The following PPARA variants were observed in gnomAD, a reference collection of about 807,000 sequenced individuals.
The protein encoded by PPARA is peroxisome proliferator-activated receptor alpha.
PPARA carries 22 observed loss-of-function variants against 42.2 expected under a neutral mutation model. That is an observed-to-expected ratio of 0.52 (90% confidence interval 0.37 to 0.74). The LOEUF (loss-of-function observed/expected upper bound fraction) is 0.74, where lower values mean the gene tolerates loss of function less well. Among genes scored for constraint, PPARA ranks in the 30% least tolerant of loss-of-function variants. PPARA has a pLI of 0.00. For missense variants in PPARA, 465 were observed against 608.2 expected, an observed-to-expected ratio of 0.76 and a Z score of 2.48; for synonymous variants, 242 against 239.3, an observed-to-expected ratio of 1.01 and a Z score of -0.10.
intron 2 of PPARA, chr22:46,155,908 C>T (rs1925235623): frequency 6.6e-6 from 1 of 152,222 alleles, no homozygotes; most frequent in Admixed American, 6.5e-5. Flanking sequence ...AAAGGAGCAC[C>T]ATGCAGGCAT....
rs75241154 is a variant in PPARA, at chr22:46,178,221, A to G, written c.-43+1385A>G. ...ATATTTCTATCTGTCAGAAGGTGACATGAGTTTTAAACAATTAAGAAATAT... is the reference window on the plus strand; with the variant it reads ...ATATTTCTATCTGTCAGAAGGTGACGTGAGTTTTAAACAATTAAGAAATAT... On this transcript the variant is annotated intron_variant, in intron 3 of 8. Coordinates refer to ENST00000407236, the MANE Select transcript of PPARA (RefSeq NM_005036.6). Among the ~76,000 whole-genome samples, 4 of 152,368 alleles carry G rather than the reference A, an allele frequency of 2.6e-5. No individual in the cohort carries two copies. The South Asian group carries it at 8.3e-4, about 32-fold the overall frequency.
chr22:46,229,920 G>A (rs1935751759), intron 7 of PPARA, among the ~76,000 whole-genome samples: 1 of 152,232 alleles, frequency 6.6e-6, no homozygotes, highest in South Asian at 2.1e-4. Context: ...CCGGTGCCCT[G>A]AAGACAGTTT....
In PPARA at chr22:46,161,835, C is replaced by G. The variant is rs569998213; in HGVS notation, c.-127+9865C>G. Among the ~76,000 whole-genome samples the G allele has an allele frequency of 2.6e-5, 4 of 152,210 alleles. No homozygotes were observed. The highest frequency in any genetic ancestry group is 4.8e-5 in the African/African-American group (2 of 41,450). Reference sequence around the variant, plus strand: ...TTTCCGCGCTAGCGTTTGGTCCCTGCGCTTTTCTGGATGCCCCCACCCCCT... The same window carrying G: ...TTTCCGCGCTAGCGTTTGGTCCCTGGGCTTTTCTGGATGCCCCCACCCCCT... On this transcript the variant is annotated intron_variant, in intron 2 of 8. Transcript: ENST00000407236. This position sits in a 1 kb window ranked among gnomAD's most constrained non-coding sequence, Gnocchi z 4.8.
chr22:46,206,018 G>T (rs903385328), intron 4 of PPARA, among the ~76,000 whole-genome samples: 1 of 151,974 alleles, frequency 6.6e-6, no homozygotes, highest in Non-Finnish European at 1.5e-5. Context: ...CTCACAATTT[G>T]TTCTCTTTGG....
chr22:46,189,463 AG>A (rs1392604113), intron 3 of PPARA, among the ~76,000 whole-genome samples: 2 of 152,188 alleles, frequency 1.3e-5, no homozygotes, highest in Non-Finnish European at 2.9e-5. Context: ...CAAAATTTTA[AG>A]TTTAATGCTT....
chr22:46,232,226 C>T lies in PPARA; in HGVS notation c.1146C>T (p.Ile382=). ...DSDISLFVAA[I]ICCGDRPGLL... is the part of the protein sequence containing the mutation. ...ATATCTCCCTTTTTGTGGCTGCTAT[C>T]ATTTGCTGTGGAGGTGAGTGGTTGA... is the stretch of plus-strand genomic sequence containing the variant. Residue 382 remains isoleucine, a synonymous_variant, in exon 8 of 9, where the codon ATC becomes ATT. Transcript: ENST00000407236. The surrounding 1 kb of genome is among the most constrained non-coding windows in gnomAD (Gnocchi z 5.3). 1 of 1,614,032 alleles carries T rather than the reference C, an allele frequency of 6.2e-7. No homozygotes were observed. The highest frequency in any genetic ancestry group is 1.1e-5 in the South Asian group (1 of 91,078).
intron 3 of PPARA, among the ~76,000 whole-genome samples, chr22:46,179,130 C>T (rs1929585972): frequency 6.6e-6 from 1 of 152,154 alleles, no homozygotes; most frequent in South Asian, 2.1e-4. Flanking sequence ...GGGCCCCACC[C>T]TGATGATCTT....
At chr22:46,194,468 C>T (rs1160630180) in intron 3 of PPARA, among the ~76,000 whole-genome samples, 1 of 151,818 alleles carries the variant, frequency 6.6e-6, no homozygotes, top group Non-Finnish European at 1.5e-5. Flanking sequence ...GCATAGGCCA[C>T]ATGCATTTTC....
chr22:46,157,607 G>A (rs1249476937), intron 2 of PPARA, among the ~76,000 whole-genome samples: 3 of 152,190 alleles, frequency 2.0e-5, no homozygotes, highest in African/African-American at 7.2e-5. Flanking sequence ...AAGATGACCT[G>A]AGGATCTATT....
rs1310121560 is a variant in PPARA, at chr22:46,171,983, G to A, written c.-126-4770G>A. 6.6e-6 allele frequency among the ~76,000 whole-genome samples: 1 copy of A among 152,130 alleles called. No individual in the cohort carries two copies. The highest frequency in any genetic ancestry group is 1.5e-5 in the Non-Finnish European group (1 of 68,028). On this transcript the variant is annotated intron_variant, in intron 2 of 8. Transcript: ENST00000407236. This position sits in a 1 kb window ranked among gnomAD's most constrained non-coding sequence, Gnocchi z 5.0. ...GGGGTGGGGCCCGGCCAAGCAAGGT[G>A]GCTAAGTGGGAAAGGCTCCACCGCG...
At position 46,167,271 on chromosome 22, in the gene PPARA, T is replaced by TGG. The variant is rs1489289148; in HGVS notation, c.-126-9481_-126-9480insGG. Among the ~76,000 whole-genome samples the TGG allele has an allele frequency of 2.0e-5, 3 of 150,952 alleles. No individual in the cohort carries two copies. Among genetic ancestry groups the TGG allele is most frequent in the Non-Finnish European group, 4.4e-5 (3 of 67,818 alleles). ...TATTATGTAATAATAGTATATATCATGTTACATATTATATTATGTAATATA... is the reference window on the plus strand; with the variant it reads ...TATTATGTAATAATAGTATATATCATGGGTTACATATTATATTATGTAATATA... On this transcript the variant is annotated intron_variant, in intron 2 of 8. Coordinates refer to ENST00000407236, the MANE Select transcript of PPARA (RefSeq NM_005036.6). The surrounding 1 kb of genome is among the most constrained non-coding windows in gnomAD (Gnocchi z 4.1).
chr22:46,231,707 G>A lies in PPARA; in HGVS notation c.712-85G>A, dbSNP rs1935884399. ...AGGCACTGAGCTTGGTGATTTGGACGCAGGAGCTGCTCATTAGTGAGCTGA... is the reference window on the plus strand; with the variant it reads ...AGGCACTGAGCTTGGTGATTTGGACACAGGAGCTGCTCATTAGTGAGCTGA... On this transcript the variant is annotated intron_variant, in intron 7 of 8. Coordinates refer to ENST00000407236, the MANE Select transcript of PPARA (RefSeq NM_005036.6). The surrounding 1 kb of genome is among the most constrained non-coding windows in gnomAD (Gnocchi z 7.7). The A allele has an allele frequency of 1.4e-5, 19 of 1,383,190 alleles. No homozygotes were observed. Among genetic ancestry groups the A allele is most frequent in the South Asian group, 4.9e-5 (4 of 81,022 alleles). 85.7% of individuals were successfully genotyped at this position (1,383,190 alleles called of 1,614,324 possible). A position where few individuals can be genotyped will look rare whatever the true frequency, so the allele number is the denominator to read the frequency against.
rs1324456667 is a variant in PPARA at position 46,161,703 on chromosome 22, A to G, written c.-127+9733A>G. On this transcript the variant is annotated intron_variant, in intron 2 of 8. Transcript: ENST00000407236. This position sits in a 1 kb window ranked among gnomAD's most constrained non-coding sequence, Gnocchi z 4.8. ...GGTGTAACACATCCATCCACCAGGTATCATTTTTATACACGTGAAGTTAAA... is the reference window on the plus strand; with the variant it reads ...GGTGTAACACATCCATCCACCAGGTGTCATTTTTATACACGTGAAGTTAAA... 6.6e-6 allele frequency among the ~76,000 whole-genome samples: 1 copy of G among 152,244 alleles called. No individual in the cohort carries two copies. The highest frequency in any genetic ancestry group is 2.4e-5 in the African/African-American group (1 of 41,462).
At chr22:46,177,061 A>G (rs912450523) in intron 3 of PPARA, among the ~76,000 whole-genome samples, 6 of 152,096 alleles carry the variant, frequency 3.9e-5, no homozygotes, top group African/African-American at 1.2e-4. Context: ...ATACAAAAAA[A>G]TTAGCCGGGC....
Position 46,173,219 on chromosome 22 carries a change from G to T in PPARA, c.-126-3534G>T, listed in dbSNP as rs1469747568. Among the ~76,000 whole-genome samples the T allele has an allele frequency of 6.6e-6, 1 of 152,128 alleles. No individual in the cohort carries two copies. The highest frequency in any genetic ancestry group is 1.5e-5 in the Non-Finnish European group (1 of 68,020). ...GGCTGTTCTTTTCACTCTCTTATTT[G>T]GGGATTTACAAAACAGTTATGTTTT... On this transcript the variant is annotated intron_variant, in intron 2 of 8. Transcript: ENST00000407236. This position sits in a 1 kb window ranked among gnomAD's most constrained non-coding sequence, Gnocchi z 4.3.
At chr22:46,185,571 G>T (rs1488379156) in intron 3 of PPARA, among the ~76,000 whole-genome samples, 2 of 150,038 alleles carry the variant, frequency 1.3e-5, no homozygotes, top group Non-Finnish European at 3.0e-5. Context: ...AAAAATTGAA[G>T]AAGAAAGCTC....
chr22:46,154,787 C>T (rs1925003990), intron 2 of PPARA, among the ~76,000 whole-genome samples: 1 of 150,754 alleles, frequency 6.6e-6, no homozygotes, highest in African/African-American at 2.4e-5. Context: ...GATCCTCCCA[C>T]CTCAGCCTCC....
At chr22:46,185,893 TC>T (rs575629621) in intron 3 of PPARA, among the ~76,000 whole-genome samples, 691 of 27,952 alleles carry the variant, frequency 0.025, 85 homozygotes, top group African/African-American at 0.1. Flanking sequence ...AGACTCCGTC[TC>T]CAAAAAAAAA....
chr22:46,171,457 C>T lies in PPARA; in HGVS notation c.-126-5296C>T, dbSNP rs1928024953. The T allele has an allele frequency of 6.6e-6, 1 of 152,582 alleles. No homozygotes were observed. The highest frequency in any genetic ancestry group is 2.4e-5 in the African/African-American group (1 of 41,450). The allele number at this position is 152,582 out of a possible 1,614,324, so 9.5% of individuals were successfully genotyped here. ...AGCAGCTGGCCTGGTGACTTAGCCG[C>T]CTTCAGGTACAGTAGGAGGAGCAAG... On this transcript the variant is annotated intron_variant, in intron 2 of 8. Coordinates refer to ENST00000407236, the MANE Select transcript of PPARA (RefSeq NM_005036.6). The surrounding 1 kb of genome is among the most constrained non-coding windows in gnomAD (Gnocchi z 5.0).
Sources: gnomAD v4.1 joint callset for allele counts (sites outside exome capture counted in the v4.1 genomes callset) on GRCh38, gnomAD v4.1.1 for gene constraint, Gnocchi (gnomAD v3.1) non-coding constraint, MANE v1.5 for transcripts, NCBI Gene and HGNC (gene_info 2026-07-23, HGNC 2026-07-21) for gene names.